The following SIL1 variants were observed in gnomAD, a reference collection of about 807,000 sequenced individuals.
The protein encoded by SIL1 is SIL1 nucleotide exchange factor.
In SIL1, 40 loss-of-function variants were observed where a neutral mutation model predicts 49.1. That is an observed-to-expected ratio of 0.81 (90% CI 0.63 to 1.06). SIL1 has a LOEUF of 1.06. Among genes scored for constraint, SIL1 ranks in the 50% least tolerant of loss-of-function variants. SIL1 has a pLI of 0.00. For missense variants in SIL1, 500 were observed against 572.6 expected (o/e 0.87, Z 1.29); for synonymous variants, 253 against 250.8 (o/e 1.01, Z -0.08).
At chr5:139,159,933 C>T (rs1455559650) in intron 1 of SIL1, among the ~76,000 whole-genome samples, 1 of 151,910 alleles carries the variant, frequency 6.6e-6, no homozygotes, top group Non-Finnish European at 1.5e-5. Flanking sequence ...AAACAAAAAC[C>T]CTCAACCTAA....
intron 9 of SIL1, among the ~76,000 whole-genome samples, chr5:138,950,657 A>G (rs977356506): frequency 6.6e-6 from 1 of 152,180 alleles, no homozygotes; most frequent in Admixed American, 6.5e-5. Flanking sequence ...ATGCTTCTTC[A>G]AGCTTGCAAA....
intron 7 of SIL1, among the ~76,000 whole-genome samples, chr5:139,010,997 C>T (rs1336110283): frequency 3.4e-5 from 5 of 148,132 alleles, no homozygotes; most frequent in Non-Finnish European, 7.5e-5. Flanking sequence ...CCACCCAGTT[C>T]GAGCTTCCCG....
chr5:139,180,058 T>TAAAA (rs33982607), intron 1 of SIL1, among the ~76,000 whole-genome samples: 1 of 122,142 alleles, frequency 8.2e-6, no homozygotes. Context: ...CCTGTCTCTT[T>TAAAA]AAAAAAAAAA....
chr5:139,127,593 AC>A (rs1445396248), intron 2 of SIL1, 145 bp downstream of exon 2: 2 of 684,290 alleles, frequency 2.9e-6, no homozygotes, highest in African/African-American at 3.6e-5. Context: ...GAAGAAGTCT[AC>A]CTACTCCATG....
At chr5:139,088,098 A>G (rs1448821696) in intron 3 of SIL1, among the ~76,000 whole-genome samples, 1 of 152,168 alleles carries the variant, frequency 6.6e-6, no homozygotes, top group Non-Finnish European at 1.5e-5. Context: ...AGGCCCGTGG[A>G]GCTGCTGCCA....
intron 7 of SIL1, among the ~76,000 whole-genome samples, chr5:139,019,366 G>T (rs775266722): frequency 2.0e-5 from 3 of 152,154 alleles, no homozygotes; most frequent in Non-Finnish European, 4.4e-5. Context: ...CATTTCCATG[G>T]TGTTTGGGAG....
chr5:139,122,316 G>A (rs923003965), intron 2 of SIL1, among the ~76,000 whole-genome samples: 2 of 152,124 alleles, frequency 1.3e-5, no homozygotes, highest in African/African-American at 4.8e-5. Flanking sequence ...TTCTCAGCCA[G>A]GCATGGTGGC....
intron 7 of SIL1, among the ~76,000 whole-genome samples, chr5:139,020,181 C>T (rs899632827): frequency 7.9e-5 from 12 of 152,134 alleles, no homozygotes; most frequent in Admixed American, 3.3e-4. Flanking sequence ...GTGGTGATAA[C>T]GGAAACAAAG....
intron 7 of SIL1, among the ~76,000 whole-genome samples, chr5:139,001,547 C>T (rs560638122): frequency 1.2e-4 from 19 of 152,210 alleles, no homozygotes; most frequent in Non-Finnish European, 1.9e-4. Context: ...TACTAAAACA[C>T]TATCTGTGTG....
chr5:139,139,581 T>C (rs547577990), intron 1 of SIL1, among the ~76,000 whole-genome samples: 1 of 152,372 alleles, frequency 6.6e-6, no homozygotes, highest in Middle Eastern at 3.4e-3. Flanking sequence ...GGCACCATAC[T>C]ATGGAACAGA....
At chr5:138,980,572 T>C (rs1192385808) in intron 7 of SIL1, among the ~76,000 whole-genome samples, 4 of 152,126 alleles carry the variant, frequency 2.6e-5, no homozygotes, top group African/African-American at 9.7e-5. Flanking sequence ...GTGTCACTTT[T>C]CATGAGGGAA....
intron 3 of SIL1, among the ~76,000 whole-genome samples, chr5:139,057,279 A>C (rs1206548841): frequency 6.9e-6 from 1 of 145,288 alleles, no homozygotes; most frequent in East Asian, 1.9e-4. Context: ...ACCCAGCCAA[A>C]TCCCCCTCTG....
At chr5:138,985,923 AG>A (rs913783303) in intron 7 of SIL1, among the ~76,000 whole-genome samples, 3 of 152,242 alleles carry the variant, frequency 2.0e-5, no homozygotes, top group African/African-American at 7.2e-5. Flanking sequence ...CCAGCTCCAC[AG>A]ATGATGTTCT....
chr5:139,131,558 T>G (rs561068403), intron 1 of SIL1: 1 of 152,176 alleles, frequency 6.6e-6, no homozygotes, highest in Non-Finnish European at 1.5e-5. Context: ...AAATAGCTGC[T>G]ACACTCACCC....
intron 1 of SIL1, among the ~76,000 whole-genome samples, chr5:139,142,932 C>T (rs915235150): frequency 2.6e-5 from 4 of 152,054 alleles, no homozygotes; most frequent in African/African-American, 7.2e-5. Context: ...CCACGCCTGG[C>T]TAATTTTTTT....
intron 3 of SIL1, among the ~76,000 whole-genome samples, chr5:139,056,639 G>A (rs1255926409): frequency 7.0e-6 from 1 of 143,788 alleles, no homozygotes; most frequent in Admixed American, 6.7e-5. Context: ...CATCAAGGAG[G>A]GAGGTGGGGG....
At chr5:139,042,587 A>G in intron 5 of SIL1, 33 bp downstream of exon 5, 1 of 1,573,786 alleles carries the variant, frequency 6.4e-7, no homozygotes, top group Non-Finnish European at 8.7e-7. Flanking sequence ...GCCATGCTGC[A>G]GGCTTATACT....
At position 138,986,580 on chromosome 5, in the gene SIL1, G is replaced by GCCC. The variant is rs111763936; in HGVS notation, c.767+34588_767+34590dup. Among the ~76,000 whole-genome samples the GCCC allele has an allele frequency of 5.6e-3, 846 of 152,272 alleles. 4 individuals are homozygous for GCCC. The highest frequency in any genetic ancestry group is 0.02 in the African/African-American group (811 of 41,542). On this transcript the variant is annotated intron_variant, in intron 7 of 9. Coordinates refer to ENST00000394817, the MANE Select transcript of SIL1 (RefSeq NM_022464.5). ...CTCTCCCAGGCGCAGGACAACACCA[G>GCCC]CCCTCTCAAGGCACTGATTGGGCAG...
chr5:138,967,160 A>G (rs936946152), intron 7 of SIL1, among the ~76,000 whole-genome samples: 4 of 152,124 alleles, frequency 2.6e-5, no homozygotes, highest in African/African-American at 4.8e-5. Flanking sequence ...GGCCCTGCAC[A>G]CTCTGGCTCA....
Sources: allele counts gnomAD v4.1 joint callset (sites outside exome capture counted in the v4.1 genomes callset), GRCh38; gene constraint gnomAD v4.1.1; transcripts MANE v1.5; gene names NCBI Gene and HGNC (gene_info 2026-07-23, HGNC 2026-07-21).